Variants in FAM53B observed in about 807,000 individuals in gnomAD.
The protein encoded by FAM53B is protein FAM53B.
FAM53B carries 12 observed loss-of-function variants against 32.7 expected under a neutral mutation model. That is an observed-to-expected ratio of 0.37 (90% CI 0.24 to 0.59). The LOEUF (loss-of-function observed/expected upper bound fraction) is 0.59, where lower values mean the gene tolerates loss of function less well. Ranked by LOEUF, FAM53B falls within the 20% of genes least tolerant of loss-of-function variation. The pLI is 0.72. For missense variants in FAM53B, 477 were observed against 577.7 expected, an observed-to-expected ratio of 0.83 and a Z score of 1.79; for synonymous variants, 234 against 228.7, an observed-to-expected ratio of 1.02 and a Z score of -0.21.
intron 4 of FAM53B, among the ~76,000 whole-genome samples, chr10:124,634,890 C>T (rs1412440643): frequency 6.6e-6 from 1 of 152,098 alleles, no homozygotes; most frequent in Non-Finnish European, 1.5e-5. Context: ...TATTCAAGAC[C>T]ACTAAGTTGT....
At chr10:124,740,536 G>A (rs1383569510) in intron 1 of FAM53B, among the ~76,000 whole-genome samples, 1 of 152,142 alleles carries the variant, frequency 6.6e-6, no homozygotes. Flanking sequence ...CATCCAGGCA[G>A]GCAATGAAAC....
intron 2 of FAM53B, among the ~76,000 whole-genome samples, chr10:124,697,746 G>A (rs1949883734): frequency 1.3e-5 from 2 of 152,104 alleles, no homozygotes; most frequent in African/African-American, 4.8e-5. Flanking sequence ...GAGCTTCTAG[G>A]GCGGAAGGGG....
intron 1 of FAM53B, among the ~76,000 whole-genome samples, chr10:124,735,441 A>C (rs1950167680): frequency 1.3e-5 from 2 of 152,256 alleles, no homozygotes; most frequent in Admixed American, 1.3e-4. Flanking sequence ...GACACACTGC[A>C]AACTAAACTG....
chr10:124,692,947 T>C (rs1241425260), intron 3 of FAM53B, among the ~76,000 whole-genome samples: 3 of 151,958 alleles, frequency 2.0e-5, no homozygotes, highest in Non-Finnish European at 4.4e-5. Flanking sequence ...GCATGGGGGC[T>C]CAGGAGGAAA....
At chr10:124,671,323 C>A (rs961321053) in intron 4 of FAM53B, among the ~76,000 whole-genome samples, 4 of 152,250 alleles carry the variant, frequency 2.6e-5, no homozygotes, top group African/African-American at 9.6e-5. Context: ...CTCCACGCTG[C>A]CAAGCTTTCA....
chr10:124,720,162 TAAA>T (rs1351549210), intron 1 of FAM53B, among the ~76,000 whole-genome samples: 1 of 95,958 alleles, frequency 1.0e-5, no homozygotes, highest in Non-Finnish European at 2.2e-5. Flanking sequence ...AGACTTCATC[TAAA>T]AAAAAAAAAA....
At chr10:124,698,273 G>C (rs1374669900) in intron 2 of FAM53B, among the ~76,000 whole-genome samples, 1 of 152,188 alleles carries the variant, frequency 6.6e-6, no homozygotes, top group Non-Finnish European at 1.5e-5. Context: ...GGGCTGGGGA[G>C]AGCAGAATTG....
chr10:124,689,761 T>C (rs1210925097), intron 3 of FAM53B, among the ~76,000 whole-genome samples: 1 of 152,230 alleles, frequency 6.6e-6, no homozygotes, highest in Non-Finnish European at 1.5e-5. Context: ...GGGAAGTCTT[T>C]GCTCTTACAA....
At chr10:124,638,242 C>T (rs1450046432) in intron 4 of FAM53B, among the ~76,000 whole-genome samples, 4 of 152,048 alleles carry the variant, frequency 2.6e-5, no homozygotes, top group East Asian at 1.9e-4. Context: ...TGGTGGCGGG[C>T]GCCTGTAGTC....
At chr10:124,669,593 C>G (rs898161263) in intron 4 of FAM53B, among the ~76,000 whole-genome samples, 5 of 152,212 alleles carry the variant, frequency 3.3e-5, no homozygotes, top group African/African-American at 1.2e-4. Flanking sequence ...TGGGAGCAGC[C>G]CCACGTGAGG....
intron 4 of FAM53B, among the ~76,000 whole-genome samples, chr10:124,646,551 C>T (rs1353058928): frequency 6.6e-6 from 1 of 152,214 alleles, no homozygotes; most frequent in East Asian, 1.9e-4. Flanking sequence ...CAGCCCGGAG[C>T]CTCTGGAATA....
At chr10:124,698,923 C>A (rs889894943) in intron 2 of FAM53B, among the ~76,000 whole-genome samples, 2 of 152,212 alleles carry the variant, frequency 1.3e-5, no homozygotes, top group Non-Finnish European at 2.9e-5. Flanking sequence ...AACCTGAGTA[C>A]CCCCAACCTT....
chr10:124,633,016 A>G (rs1019748876), intron 4 of FAM53B, among the ~76,000 whole-genome samples: 2 of 152,116 alleles, frequency 1.3e-5, no homozygotes, highest in African/African-American at 4.8e-5. Flanking sequence ...GTTTGGAGGG[A>G]TAAATAGAGA....
At chr10:124,669,166 CGTTCTGCTTTGG>C (rs1415199262) in intron 4 of FAM53B, among the ~76,000 whole-genome samples, 8 of 152,328 alleles carry the variant, frequency 5.3e-5, no homozygotes, top group Non-Finnish European at 1.2e-4. Context: ...GGTTCACAAA[CGTTCTGCTTTGG>C]GCAGTAAGAG....
intron 3 of FAM53B, among the ~76,000 whole-genome samples, chr10:124,693,406 G>A (rs140411098): frequency 0.016 from 2,345 of 151,276 alleles, 41 homozygotes; most frequent in Non-Finnish European, 0.018. Context: ...GGAGGCGGAC[G>A]TTGCCGTGGG....
At chr10:124,724,449 C>G (rs1365293640) in intron 1 of FAM53B, among the ~76,000 whole-genome samples, 2 of 152,188 alleles carry the variant, frequency 1.3e-5, no homozygotes. Flanking sequence ...AGCCGCCACC[C>G]TGCTCTCTGC....
At chr10:124,707,327 G>C (rs186409694) in intron 1 of FAM53B, among the ~76,000 whole-genome samples, 7 of 152,280 alleles carry the variant, frequency 4.6e-5, no homozygotes, top group Admixed American at 4.6e-4. Flanking sequence ...AACACCAAAG[G>C]GGTCGGCCCT....
At chr10:124,719,061 A>T (rs1040740696) in intron 1 of FAM53B, among the ~76,000 whole-genome samples, 3 of 151,932 alleles carry the variant, frequency 2.0e-5, no homozygotes, top group Admixed American at 6.6e-5. Context: ...AAAAAAGAAG[A>T]AGAAGAAAGA....
At chr10:124,722,655 T>C (rs2134096688) in intron 1 of FAM53B, among the ~76,000 whole-genome samples, 1 of 152,346 alleles carries the variant, frequency 6.6e-6, no homozygotes, top group South Asian at 2.1e-4. Flanking sequence ...AAATAGGTAA[T>C]ACTTTCTAAA....
Sources: gnomAD v4.1 joint callset for allele counts (sites outside exome capture counted in the v4.1 genomes callset) on GRCh38, gnomAD v4.1.1 for gene constraint, MANE v1.5 for transcripts, NCBI Gene and HGNC (gene_info 2026-07-23, HGNC 2026-07-21) for gene names.